The following FMN1 variants were observed in gnomAD, a reference collection of about 807,000 sequenced individuals.
FMN1 encodes the protein formin 1, also known as formin-1.
In FMN1, 110 loss-of-function variants were observed where a neutral mutation model predicts 132.4. The observed-to-expected ratio is 0.83, with a 90% CI of 0.71 to 0.97. FMN1 has a LOEUF of 0.97. Among genes scored for constraint, FMN1 ranks in the 50% least tolerant of loss-of-function variants. The pLI is 0.00. For missense variants in FMN1, 1,792 were observed against 1,705.3 expected (o/e 1.05, Z -0.90); for synonymous variants, 722 against 651.7 (o/e 1.11, Z -1.64).
chr15:33,024,130 A>G (rs568991409), intron 6 of FMN1, among the ~76,000 whole-genome samples: 1 of 152,288 alleles, frequency 6.6e-6, no homozygotes, highest in Admixed American at 6.5e-5. Context: ...CAAATGGCTA[A>G]TAAACATATA....
At chr15:33,005,807 T>C (rs2034384669) in intron 7 of FMN1, among the ~76,000 whole-genome samples, 1 of 152,168 alleles carries the variant, frequency 6.6e-6, no homozygotes, top group African/African-American at 2.4e-5. Context: ...CCAATTTCAG[T>C]TCCTCTGAGG....
chr15:33,141,283 C>T (rs920737500), intron 4 of FMN1, among the ~76,000 whole-genome samples: 3 of 152,160 alleles, frequency 2.0e-5, no homozygotes, highest in Admixed American at 1.3e-4. Flanking sequence ...TTCCTTTTCA[C>T]ATTTCAGTTC....
chr15:32,949,879 A>AAT (rs1198232973), intron 9 of FMN1, among the ~76,000 whole-genome samples: 1 of 146,192 alleles, frequency 6.8e-6, no homozygotes, highest in Non-Finnish European at 1.5e-5. Context: ...ACCCCATTAA[A>AAT]AAGTGGGCAA....
intron 10 of FMN1, among the ~76,000 whole-genome samples, chr15:32,911,808 A>AACATCAC (rs973841695): frequency 1.2e-4 from 18 of 152,282 alleles, no homozygotes; most frequent in African/African-American, 4.1e-4. Context: ...AAGACAAAGG[A>AACATCAC]ACATCACACA....
chr15:33,016,666 C>T (rs1413477953), intron 6 of FMN1, among the ~76,000 whole-genome samples: 1 of 152,184 alleles, frequency 6.6e-6, no homozygotes, highest in Non-Finnish European at 1.5e-5. Context: ...CTTTTGTCAG[C>T]GGGCCTTCAA....
At position 32,766,545 on chromosome 15, in the gene FMN1, C is replaced by T. The variant is rs1005216450; in HGVS notation, c.*7765G>A. 5 of 140,382 alleles carry T rather than the reference C, an allele frequency of 3.6e-5. No individual in the cohort carries two copies. The highest frequency in any genetic ancestry group is 7.3e-5 in the Admixed American group (1 of 13,722). The allele number at this position is 140,382 out of a possible 1,614,324, so 8.7% of individuals were successfully genotyped here. On this transcript the variant is annotated 3_prime_UTR_variant, in exon 21 of 21. Transcript: ENST00000616417. ...TAGAATAAGAACCCCCCCCCCACCC[C>T]GCCCAATCTTCTTAAAATAAAATAA...
At chr15:32,975,227 A>T (rs2032107067) in intron 7 of FMN1, among the ~76,000 whole-genome samples, 2 of 152,168 alleles carry the variant, frequency 1.3e-5, no homozygotes, top group South Asian at 4.1e-4. Flanking sequence ...TTCATGTTGC[A>T]TTATACTCAT....
At chr15:32,999,488 G>A (rs2033968293) in intron 7 of FMN1, among the ~76,000 whole-genome samples, 1 of 152,194 alleles carries the variant, frequency 6.6e-6, no homozygotes, top group South Asian at 2.1e-4. Flanking sequence ...GGACAAAAAG[G>A]TACAATGTAA....
intron 17 of FMN1, among the ~76,000 whole-genome samples, chr15:32,848,457 C>T (rs115259698): frequency 1.3e-5 from 2 of 152,128 alleles, no homozygotes; most frequent in South Asian, 4.1e-4. Context: ...CCATCTAGAG[C>T]GATGTTGAAG....
In FMN1 at chr15:32,798,216, A is replaced by ACACC. The variant is rs1286307994; in HGVS notation, c.4130+587_4130+588insGGTG. On this transcript the variant is annotated intron_variant, in intron 19 of 20. Transcript: ENST00000616417. ...CACACACACACACACACACACACAC[A>ACACC]CCCCGTCTATATTCAGAGTTGAGGT... 3.0e-3 allele frequency among the ~76,000 whole-genome samples: 422 copies of ACACC among 140,972 alleles called. 6 individuals are homozygous for ACACC. Among genetic ancestry groups the ACACC allele is most frequent in the African/African-American group, 0.01 (393 of 38,542 alleles). The allele number at this position is 140,972 out of a possible 152,430, so 92.5% of individuals were successfully genotyped here.
rs901011764 is a variant in FMN1 at position 32,867,682 on chromosome 15, G to A, written c.3836-10575C>T. On this transcript the variant is annotated intron_variant, in intron 16 of 20. Transcript: ENST00000616417. ...AATTTTTTGTATTTTTAGTAGAGAC[G>A]GGGTTTCACCATGTTAGCCGGGATG... Among the ~76,000 whole-genome samples, 11 of 152,018 alleles carry A rather than the reference G, an allele frequency of 7.2e-5. No individual in the cohort carries two copies. In the East Asian group the frequency reaches 1.4e-3, roughly 19 times the overall value.
At chr15:32,930,720 T>TTG (rs573178211) in intron 9 of FMN1, among the ~76,000 whole-genome samples, 1 of 149,672 alleles carries the variant, frequency 6.7e-6, no homozygotes, top group African/African-American at 2.5e-5. Context: ...TTGCTTTTTT[T>TTG]GGGGGGGGGC....
At chr15:32,867,763 T>C (rs530439315) in intron 16 of FMN1, among the ~76,000 whole-genome samples, 3 of 152,212 alleles carry the variant, frequency 2.0e-5, no homozygotes, top group Non-Finnish European at 4.4e-5. Flanking sequence ...AGTGCTGGGA[T>C]TACAGGCGTG....
At chr15:32,980,951 T>C (rs1411558948) in intron 7 of FMN1, among the ~76,000 whole-genome samples, 2 of 152,046 alleles carry the variant, frequency 1.3e-5, no homozygotes, top group South Asian at 2.1e-4. Flanking sequence ...GAAGCGGAGG[T>C]TGCAGTAAGC....
intron 15 of FMN1, among the ~76,000 whole-genome samples, chr15:32,890,001 A>T (rs147784162): frequency 6.6e-5 from 10 of 152,158 alleles, no homozygotes; most frequent in African/African-American, 1.2e-4. Context: ...TAGCTACCAC[A>T]TATCAGTGAG....
chr15:32,930,216 T>G (rs916878197), intron 9 of FMN1, among the ~76,000 whole-genome samples: 1 of 152,058 alleles, frequency 6.6e-6, no homozygotes, highest in Non-Finnish European at 1.5e-5. Context: ...CTCTATCTCC[T>G]GACCTCATGA....
chr15:33,072,406 G>A (rs112954234), intron 5 of FMN1, among the ~76,000 whole-genome samples: 4 of 152,262 alleles, frequency 2.6e-5, no homozygotes, highest in African/African-American at 9.6e-5. Flanking sequence ...TAGATGGAGG[G>A]ACAACTCTAA....
chr15:33,128,307 T>A (rs889597075), intron 4 of FMN1, among the ~76,000 whole-genome samples: 1 of 152,228 alleles, frequency 6.6e-6, no homozygotes, highest in Admixed American at 6.5e-5. Context: ...GGCTGCTGAC[T>A]AGGCCCGACC....
At chr15:33,091,836 A>G (rs985522937) in intron 4 of FMN1, among the ~76,000 whole-genome samples, 1 of 152,248 alleles carries the variant, frequency 6.6e-6, no homozygotes, top group Non-Finnish European at 1.5e-5. Context: ...AAATTAGATA[A>G]ATATATTCTG....
Sources: gnomAD v4.1 joint callset for allele counts (sites outside exome capture counted in the v4.1 genomes callset) on GRCh38, gnomAD v4.1.1 for gene constraint, MANE v1.5 for transcripts, NCBI Gene and HGNC (gene_info 2026-07-23, HGNC 2026-07-21) for gene names.